The following CCDC85A variants were observed in gnomAD, a reference collection of about 807,000 sequenced individuals.
CCDC85A encodes coiled-coil domain-containing protein 85A.
Under a neutral mutation model 50.2 loss-of-function variants are expected in CCDC85A, and 38 were observed. That is an observed-to-expected ratio of 0.76 (90% CI 0.58 to 0.99). The LOEUF is 0.99. Ranked by LOEUF, CCDC85A falls within the 50% of genes least tolerant of loss-of-function variation. The pLI is 0.00. For synonymous variants in CCDC85A, 366 were observed against 301.4 expected (o/e 1.21, Z -2.22); for missense variants, 820 against 742.0 (o/e 1.11, Z -1.22).
chr2:56,232,223 A>T lies in CCDC85A; in HGVS notation c.1240+38783A>T, dbSNP rs1297394555. Among the ~76,000 whole-genome samples, 7 of 152,264 alleles carry T rather than the reference A, an allele frequency of 4.6e-5. No homozygotes were observed. In the East Asian group the frequency reaches 1.4e-3, roughly 29 times the overall value. ...ATACCTATTCAGCATCACTACTAGG[A>T]TACCTAATTGGCATCTGAAATGTAA... On this transcript the variant is annotated intron_variant, in intron 2 of 5. Transcript: ENST00000407595.
intron 2 of CCDC85A, among the ~76,000 whole-genome samples, chr2:56,264,303 A>G (rs1340582242): frequency 2.0e-5 from 3 of 152,064 alleles, no homozygotes; most frequent in Non-Finnish European, 2.9e-5. Flanking sequence ...CACACCTAAC[A>G]TGTCTAAAAT....
Position 56,189,297 on chromosome 2 carries a change from G to GTTTTTTTTTTTTTT in CCDC85A, c.277-3178_277-3165dup, listed in dbSNP as rs70955011. ...AAAACATGCACGGGGTATTTTTGGT[G>GTTTTTTTTTTTTTT]TTTTTTTTTTTTTTTGAGACAAGGT... On this transcript the variant is annotated intron_variant, in intron 1 of 5. Transcript: ENST00000407595. Among the ~76,000 whole-genome samples the GTTTTTTTTTTTTTT allele has an allele frequency of 9.7e-3, 1,175 of 121,684 alleles. 39 individuals are homozygous for GTTTTTTTTTTTTTT. Among genetic ancestry groups the GTTTTTTTTTTTTTT allele is most frequent in the Middle Eastern group, 0.028 (6 of 216 alleles). The allele number at this position is 121,684 out of a possible 152,430, so 79.8% of individuals were successfully genotyped here.
rs188716597 is a variant in CCDC85A, at chr2:56,382,182, C to G, written c.1573-2084C>G. Reference sequence around the variant, plus strand: ...ATAGGGAAAAATGCAGATTGTAAAGCAATTTCATAGATAAGTTGTGAAACT... The same window carrying G: ...ATAGGGAAAAATGCAGATTGTAAAGGAATTTCATAGATAAGTTGTGAAACT... On this transcript the variant is annotated intron_variant, in intron 5 of 5. Transcript: ENST00000407595. Among the ~76,000 whole-genome samples the G allele has an allele frequency of 3.3e-5, 5 of 152,056 alleles. No individual in the cohort carries two copies. In the East Asian group the frequency reaches 9.7e-4, roughly 30 times the overall value.
chr2:56,253,019 A>AAAAT (rs3032186), intron 2 of CCDC85A, among the ~76,000 whole-genome samples: 40,456 of 150,210 alleles, frequency 0.27, 5,726 homozygotes, highest in South Asian at 0.34. Flanking sequence ...ACTCCATCTC[A>AAAAT]AAATAAATAA....
At chr2:56,340,199 G>C (rs1674285716) in intron 2 of CCDC85A, among the ~76,000 whole-genome samples, 1 of 152,094 alleles carries the variant, frequency 6.6e-6, no homozygotes, top group South Asian at 2.1e-4. Context: ...ATGTATTTTA[G>C]AAAATAAAGT....
At chr2:56,299,688 C>T (rs1205891064) in intron 2 of CCDC85A, among the ~76,000 whole-genome samples, 3 of 151,974 alleles carry the variant, frequency 2.0e-5, no homozygotes, top group African/African-American at 2.4e-5. Flanking sequence ...CAGTGAATAC[C>T]CATACTGAAT....
At chr2:56,358,603 A>C (rs938533279) in intron 3 of CCDC85A, among the ~76,000 whole-genome samples, 1 of 152,204 alleles carries the variant, frequency 6.6e-6, no homozygotes, top group Admixed American at 6.5e-5. Flanking sequence ...GTGTGAGAAG[A>C]GCAGAAAACA....
chr2:56,297,787 A>G (rs1053879934), intron 2 of CCDC85A, among the ~76,000 whole-genome samples: 5 of 152,150 alleles, frequency 3.3e-5, no homozygotes, highest in African/African-American at 4.8e-5. Context: ...GGAACTGGGT[A>G]TAGGACTTCA....
intron 5 of CCDC85A, among the ~76,000 whole-genome samples, chr2:56,377,703 A>G (rs1198296027): frequency 6.6e-6 from 1 of 152,124 alleles, no homozygotes; most frequent in African/African-American, 2.4e-5. Flanking sequence ...CCTGGCCAAC[A>G]TAGTGAAACC....
chr2:56,300,640 C>G (rs1444889714), intron 2 of CCDC85A, among the ~76,000 whole-genome samples: 1 of 152,206 alleles, frequency 6.6e-6, no homozygotes, highest in Admixed American at 6.5e-5. Flanking sequence ...AAGGGAATAC[C>G]TTGGAGTTTG....
chr2:56,282,755 TC>T (rs1671262769), intron 2 of CCDC85A, among the ~76,000 whole-genome samples: 2 of 152,116 alleles, frequency 1.3e-5, no homozygotes, highest in African/African-American at 2.4e-5. Flanking sequence ...TGTGATCCTC[TC>T]GCCTCGGCCT....
At chr2:56,283,820 T>C (rs1573171789) in intron 2 of CCDC85A, among the ~76,000 whole-genome samples, 1 of 152,282 alleles carries the variant, frequency 6.6e-6, no homozygotes, top group East Asian at 1.9e-4. Flanking sequence ...ATCTTTCCAA[T>C]GAACAAACTT....
chr2:56,238,110 T>TG (rs1397005530), intron 2 of CCDC85A, among the ~76,000 whole-genome samples: 8 of 152,126 alleles, frequency 5.3e-5, no homozygotes, highest in Non-Finnish European at 7.4e-5. Flanking sequence ...CTATGCATAC[T>TG]GCCAGACGGT....
At chr2:56,188,324 AAG>A (rs1185134997) in intron 1 of CCDC85A, among the ~76,000 whole-genome samples, 1 of 151,984 alleles carries the variant, frequency 6.6e-6, no homozygotes, top group East Asian at 1.9e-4. Context: ...TAATAATAGA[AAG>A]AGGGAACTGT....
intron 2 of CCDC85A, among the ~76,000 whole-genome samples, chr2:56,329,945 GTTTTTTTTTTTTTTTTTTT>G (rs535050957): frequency 1.3e-3 from 56 of 44,162 alleles, no homozygotes; most frequent in African/African-American, 3.1e-3. Context: ...CAGATTTCCT[GTTTTTTTTTTTTTTTTTTT>G]TTTTTTTTTT....
chr2:56,263,660 T>G (rs1049843791), intron 2 of CCDC85A, among the ~76,000 whole-genome samples: 2 of 152,154 alleles, frequency 1.3e-5, no homozygotes, highest in Non-Finnish European at 2.9e-5. Context: ...GAAAGATGAG[T>G]GGGATGACGT....
At position 56,384,327 on chromosome 2, in the gene CCDC85A, C is replaced by G. The variant is rs768092473; in HGVS notation, c.1634C>G (p.Ser545Ter). 6.2e-7 allele frequency: 1 copy of G among 1,611,204 alleles called. No homozygotes were observed. Among genetic ancestry groups the G allele is most frequent in the Non-Finnish European group, 8.5e-7 (1 of 1,178,124 alleles). The part of the protein sequence containing the change: ...GSCPGIRQHL[S>*]GNQYKGPM ...TGTCCTGGAATTAGGCAACATTTGT[C>G]AGGAAACCAGTACAAAGGACCAATG... The change falls in exon 6 of 6, where the codon TCA (serine) becomes TGA (stop). Residue 545 changes from serine (S) to a stop codon, truncating the protein, a stop_gained. Coordinates refer to ENST00000407595, the MANE Select transcript of CCDC85A (RefSeq NM_001080433.2). LOFTEE classifies it high-confidence loss of function.
At chr2:56,372,764 G>A (rs546548281) in intron 4 of CCDC85A, among the ~76,000 whole-genome samples, 1 of 152,130 alleles carries the variant, frequency 6.6e-6, no homozygotes, top group Non-Finnish European at 1.5e-5. Context: ...TAGGTCAGTG[G>A]TCTTGAAAAT....
intron 2 of CCDC85A, among the ~76,000 whole-genome samples, chr2:56,334,011 T>C (rs72916129): frequency 0.2 from 30,660 of 152,050 alleles, 4,408 homozygotes; most frequent in African/African-American, 0.41. Context: ...CCTAAAACCC[T>C]CTTCTCCAAG....
Sources: gnomAD v4.1 joint callset for allele counts (sites outside exome capture counted in the v4.1 genomes callset) on GRCh38, gnomAD v4.1.1 for gene constraint, MANE v1.5 for transcripts, NCBI Gene and HGNC (gene_info 2026-07-23, HGNC 2026-07-21) for gene names.